Variants in GPR15 observed in about 807,000 individuals in gnomAD.
The protein encoded by GPR15 is brother of Bonzo.
GPR15 carries 16 observed loss-of-function variants against 19.3 expected under a neutral mutation model. The observed-to-expected ratio is 0.83, with a 90% CI of 0.56 to 1.26. The LOEUF (loss-of-function observed/expected upper bound fraction) is 1.26. GPR15 is among the 50% of genes most tolerant of loss of function. The probability of loss-of-function intolerance (pLI) is 0.00; values close to 1 mark genes in which losing one functional copy is unlikely to be tolerated. For missense variants in GPR15, 458 were observed against 429.4 expected (o/e 1.07, Z -0.59); for synonymous variants, 170 against 171.2 (o/e 0.99, Z 0.05).
rs1248974286 is a variant in GPR15, at chr3:98,532,022, T to A, written c.-12T>A. The A allele has an allele frequency of 6.3e-7, 1 of 1,586,368 alleles. No homozygotes were observed. On this transcript the variant is annotated 5_prime_UTR_variant, in exon 1 of 1. Transcript: ENST00000284311. ...AAGTAAACTCACCAGATTTGGCATC[T>A]GCTCTTTGGTGATGGACCCAGAAGA...
chr3:98,533,098 G>T lies in GPR15; in HGVS notation c.1065G>T (p.Lys355Asn). ...IHAEDFARRR[K>N]RSVSL ...CAGAAGATTTTGCCAGGAGGAGGAA[G>T]AGGTCTGTGTCACTCTAAAGGGAAC... The change falls in exon 1 of 1, where the codon AAG (lysine) becomes AAT (asparagine). Residue 355 changes from lysine (K) to asparagine (N), a missense_variant. By Grantham distance (94) the Lys-to-Asn change is moderately conservative. Transcript: ENST00000284311. 1 of 1,609,050 alleles carries T rather than the reference G, an allele frequency of 6.2e-7. No individual in the cohort carries two copies. The highest frequency in any genetic ancestry group is 8.5e-7 in the Non-Finnish European group (1 of 1,179,330).
At position 98,532,895 on chromosome 3, in the gene GPR15, G is replaced by A; in HGVS notation, c.862G>A (p.Gly288Arg). Residue 288 changes from glycine (G) to arginine (R), a missense_variant, in exon 1 of 1, where the codon GGA becomes AGA. Transcript: ENST00000284311. ...AILQLGMEVS[G>R]PLAFANSCVN... is the part of the protein sequence containing the mutation. ...TCTTCAGCTTGGTATGGAGGTGAGT[G>A]GACCCTTGGCATTTGCCAACAGCTG... 1 of 1,614,082 alleles carries A rather than the reference G, an allele frequency of 6.2e-7. No individual in the cohort carries two copies. The highest frequency in any genetic ancestry group is 8.5e-7 in the Non-Finnish European group (1 of 1,180,028).
chr3:98,533,231 G>A lies in GPR15; in HGVS notation c.*115G>A, dbSNP rs537072393. On this transcript the variant is annotated 3_prime_UTR_variant, in exon 1 of 1. Coordinates refer to ENST00000284311, the MANE Select transcript of GPR15 (RefSeq NM_005290.4). ...CATTGCTTCATAGATGCAAGGAAGA[G>A]TTCATTTTTAAAGAGAGGACTGAAA... The A allele has an allele frequency of 8.4e-7, 1 of 1,186,226 alleles. No homozygotes were observed. Among genetic ancestry groups the A allele is most frequent in the African/African-American group, 1.5e-5 (1 of 65,524 alleles). The allele number at this position is 1,186,226 out of a possible 1,614,324, so 73.5% of individuals were successfully genotyped here. A position where few individuals can be genotyped will look rare whatever the true frequency, so the allele number is the denominator to read the frequency against.
At position 98,533,781 on chromosome 3, in the gene GPR15, T is replaced by C. The variant is rs1313809162; in HGVS notation, c.*665T>C. Among the ~76,000 whole-genome samples, 2 of 152,222 alleles carry C rather than the reference T, an allele frequency of 1.3e-5. No homozygotes were observed. Among genetic ancestry groups the C allele is most frequent in the African/African-American group, 4.8e-5 (2 of 41,460 alleles). ...ATTTGGGACTTACTTTATCATATGG[T>C]CTTCTAGTATTTTAATACATAAGCA... On this transcript the variant is annotated 3_prime_UTR_variant, in exon 1 of 1. Transcript: ENST00000284311.
At position 98,534,021 on chromosome 3, in the gene GPR15, AACTCAT is replaced by A. The variant is rs1706677567; in HGVS notation, c.*907_*912del. On this transcript the variant is annotated 3_prime_UTR_variant, in exon 1 of 1. Transcript: ENST00000284311. Reference sequence around the variant, plus strand: ...AAAATGTTATTACTAATATAATTGGAACTCATAAAATGCTTAGCTGTACCCCGATGC... The same window carrying A: ...AAAATGTTATTACTAATATAATTGGAAAAATGCTTAGCTGTACCCCGATGC... 6.6e-6 allele frequency among the ~76,000 whole-genome samples: 1 copy of A among 152,168 alleles called. No individual in the cohort carries two copies. Among genetic ancestry groups the A allele is most frequent in the Non-Finnish European group, 1.5e-5 (1 of 68,018 alleles).
rs569609883 is a variant in GPR15 at position 98,532,247 on chromosome 3, A to G, written c.214A>G (p.Ile72Val). The G allele has an allele frequency of 9.9e-6, 16 of 1,614,100 alleles. No individual in the cohort carries two copies. The highest frequency in any genetic ancestry group is 1.2e-5 in the Non-Finnish European group (14 of 1,180,010). Reference protein sequence around the residue: ...PGSRRLIDIFIINLAASDFIF... With the variant: ...PGSRRLIDIFVINLAASDFIF... ...CAGCCGAAGACTGATCGACATCTTT[A>G]TCATCAATCTGGCTGCCTCTGACTT... Residue 72 changes from isoleucine (I) to valine (V), a missense_variant, in exon 1 of 1, where the codon ATC (isoleucine) becomes GTC (valine). By Grantham distance (29) the Ile-to-Val change is conservative. Coordinates refer to ENST00000284311, the MANE Select transcript of GPR15 (RefSeq NM_005290.4).
At position 98,533,156 on chromosome 3, in the gene GPR15, G is replaced by A. The variant is rs1000335404; in HGVS notation, c.*40G>A. 1.3e-6 allele frequency: 2 copies of A among 1,528,530 alleles called. No individual in the cohort carries two copies. Among genetic ancestry groups the A allele is most frequent in the Admixed American group, 2.1e-5 (1 of 47,748 alleles). The allele number at this position is 1,528,530 out of a possible 1,614,324, so 94.7% of individuals were successfully genotyped here. A position where few individuals can be genotyped will look rare whatever the true frequency, so the allele number is the denominator to read the frequency against. On this transcript the variant is annotated 3_prime_UTR_variant, in exon 1 of 1. Coordinates refer to ENST00000284311, the MANE Select transcript of GPR15 (RefSeq NM_005290.4). ...TTTCAAGCTCTGTTGGTGGGTTTAG[G>A]AGTTAATTTTTGTCAGCAACAAAGA...
Position 98,533,070 on chromosome 3 carries a change from A to G in GPR15, c.1037A>G (p.His346Arg). 1 of 1,612,974 alleles carries G rather than the reference A, an allele frequency of 6.2e-7. No homozygotes were observed. The highest frequency in any genetic ancestry group is 8.5e-7 in the Non-Finnish European group (1 of 1,179,808). ...ACTAAGGCTCTCTCCACCTTCATTC[A>G]TGCAGAAGATTTTGCCAGGAGGAGG... The part of the protein sequence containing the change: ...HLTKALSTFI[H>R]AEDFARRRKR... Residue 346 changes from histidine to arginine, a missense_variant, in exon 1 of 1, where the codon CAT (histidine) becomes CGT (arginine). By Grantham distance (29) the His-to-Arg change is conservative. Transcript: ENST00000284311.
rs1015036236 is a variant in GPR15 at position 98,533,743 on chromosome 3, T to A, written c.*627T>A. ...CAAAAAAAAACTCATGGGGATTTTGTATTGTGTTTATGATTTGGGACTTAC... is the reference window on the plus strand; with the variant it reads ...CAAAAAAAAACTCATGGGGATTTTGAATTGTGTTTATGATTTGGGACTTAC... On this transcript the variant is annotated 3_prime_UTR_variant, in exon 1 of 1. Coordinates refer to ENST00000284311, the MANE Select transcript of GPR15 (RefSeq NM_005290.4). 6.6e-6 allele frequency among the ~76,000 whole-genome samples: 1 copy of A among 152,246 alleles called. No individual in the cohort carries two copies. The highest frequency in any genetic ancestry group is 1.5e-5 in the Non-Finnish European group (1 of 68,044).
Position 98,534,064 on chromosome 3 carries a change from T to C in GPR15, c.*948T>C. On this transcript the variant is annotated 3_prime_UTR_variant, in exon 1 of 1. Transcript: ENST00000284311. ...CTGTACCCCGATGCAGATTATCATT[T>C]TGTATTTTAATTAAAATGTTAGTGC... is the stretch of plus-strand genomic sequence containing the variant. 6.6e-6 allele frequency among the ~76,000 whole-genome samples: 1 copy of C among 152,188 alleles called. No individual in the cohort carries two copies.
chr3:98,532,071 A>T lies in GPR15; in HGVS notation c.38A>T (p.Tyr13Phe). 1 of 1,613,814 alleles carries T rather than the reference A, an allele frequency of 6.2e-7. No homozygotes were observed. Among genetic ancestry groups the T allele is most frequent in the Middle Eastern group, 1.7e-4 (1 of 6,056 alleles). Residue 13 changes from tyrosine (Y) to phenylalanine (F), a missense_variant, in exon 1 of 1, where the codon TAC becomes TTC. Transcript: ENST00000284311. ...GAAACTTCAGTTTATTTGGATTATT[A>T]CTATGCTACGAGCCCAAACTCTGAC... ...PEETSVYLDY[Y>F]YATSPNSDIR...
rs758796440 is a variant in GPR15 at position 98,533,136 on chromosome 3, A to G, written c.*20A>G. On this transcript the variant is annotated 3_prime_UTR_variant, in exon 1 of 1. Transcript: ENST00000284311. Reference sequence around the variant, plus strand: ...CTCTAAAGGGAACTGTGACATTTCAAGCTCTGTTGGTGGGTTTAGGAGTTA... The same window carrying G: ...CTCTAAAGGGAACTGTGACATTTCAGGCTCTGTTGGTGGGTTTAGGAGTTA... 3.8e-6 allele frequency: 6 copies of G among 1,580,776 alleles called. No homozygotes were observed. The South Asian group carries it at 5.7e-5, about 15-fold the overall frequency.
In GPR15 at chr3:98,533,585, A is replaced by T. The variant is rs1433474475; in HGVS notation, c.*469A>T. 6.6e-6 allele frequency among the ~76,000 whole-genome samples: 1 copy of T among 152,234 alleles called. No individual in the cohort carries two copies. Among genetic ancestry groups the T allele is most frequent in the African/African-American group, 2.4e-5 (1 of 41,458 alleles). On this transcript the variant is annotated 3_prime_UTR_variant, in exon 1 of 1. Transcript: ENST00000284311. The stretch of plus-strand genomic sequence containing the variant: ...GGTAACAAAAATATAATATACCTGC[A>T]CTGTGCAATTAATTGTTTCTGAGTT...
In GPR15 at chr3:98,532,903, G is replaced by A. The variant is rs1706661169; in HGVS notation, c.870G>A (p.Leu290=). 1 of 1,614,078 alleles carries A rather than the reference G, an allele frequency of 6.2e-7. No homozygotes were observed. The highest frequency in any genetic ancestry group is 8.5e-7 in the Non-Finnish European group (1 of 1,180,020). ...LQLGMEVSGP[L]AFANSCVNPF... Reference sequence around the variant, plus strand: ...TTGGTATGGAGGTGAGTGGACCCTTGGCATTTGCCAACAGCTGTGTCAACC... The same window carrying A: ...TTGGTATGGAGGTGAGTGGACCCTTAGCATTTGCCAACAGCTGTGTCAACC... The change falls in exon 1 of 1, where the codon TTG becomes TTA. Residue 290 remains leucine (L), a synonymous_variant. Coordinates refer to ENST00000284311, the MANE Select transcript of GPR15 (RefSeq NM_005290.4).
Position 98,532,838 on chromosome 3 carries a change from T to G in GPR15, c.805T>G (p.Leu269Val). The change falls in exon 1 of 1, where the codon TTG (leucine) becomes GTG (valine). Residue 269 changes from leucine (L) to valine (V), a missense_variant. Transcript: ENST00000284311. ...TFKFLAIVSG[L>V]RQEHYLPSAI... Reference sequence around the variant, plus strand: ...CAAGTTCCTGGCCATTGTCTCTGGGTTGCGGCAAGAACACTATTTACCCTC... The same window carrying G: ...CAAGTTCCTGGCCATTGTCTCTGGGGTGCGGCAAGAACACTATTTACCCTC... The G allele has an allele frequency of 6.2e-7, 1 of 1,614,040 alleles. No homozygotes were observed. Among genetic ancestry groups the G allele is most frequent in the Non-Finnish European group, 8.5e-7 (1 of 1,179,912 alleles).
chr3:98,532,064 G>T lies in GPR15; in HGVS notation c.31G>T (p.Asp11Tyr), dbSNP rs369731261. The change falls in exon 1 of 1, where the codon GAT (aspartate) becomes TAT (tyrosine). Residue 11 changes from aspartate (D) to tyrosine (Y), a missense_variant. Physicochemically the swap from Asp to Tyr is radical, Grantham distance 160 (BLOSUM62 -3). Transcript: ENST00000284311. MDPEETSVYL[D>Y]YYYATSPNSD... ...CCCAGAAGAAACTTCAGTTTATTTG[G>T]ATTATTACTATGCTACGAGCCCAAA... The T allele has an allele frequency of 6.2e-7, 1 of 1,612,972 alleles. No homozygotes were observed. Among genetic ancestry groups the T allele is most frequent in the African/African-American group, 1.3e-5 (1 of 74,896 alleles).
In GPR15 at chr3:98,534,299, A is replaced by G. The variant is rs1450201723; in HGVS notation, c.*1183A>G. 6.6e-6 allele frequency among the ~76,000 whole-genome samples: 1 copy of G among 152,150 alleles called. No homozygotes were observed. The highest frequency in any genetic ancestry group is 1.5e-5 in the Non-Finnish European group (1 of 68,000). ...ATTTATTGAGTCAATTTGTACCTATATTCCTTTTGAAGACTTTGATGTGAA... is the reference window on the plus strand; with the variant it reads ...ATTTATTGAGTCAATTTGTACCTATGTTCCTTTTGAAGACTTTGATGTGAA... On this transcript the variant is annotated 3_prime_UTR_variant, in exon 1 of 1. Transcript: ENST00000284311.
At position 98,534,057 on chromosome 3, in the gene GPR15, T is replaced by C. The variant is rs1478776592; in HGVS notation, c.*941T>C. Among the ~76,000 whole-genome samples the C allele has an allele frequency of 6.6e-6, 1 of 152,190 alleles. No individual in the cohort carries two copies. Reference sequence around the variant, plus strand: ...TGCTTAGCTGTACCCCGATGCAGATTATCATTTTGTATTTTAATTAAAATG... The same window carrying C: ...TGCTTAGCTGTACCCCGATGCAGATCATCATTTTGTATTTTAATTAAAATG... On this transcript the variant is annotated 3_prime_UTR_variant, in exon 1 of 1. Coordinates refer to ENST00000284311, the MANE Select transcript of GPR15 (RefSeq NM_005290.4).
In GPR15 at chr3:98,532,421, G is replaced by T; in HGVS notation, c.388G>T (p.Asp130Tyr). 6.2e-7 allele frequency: 1 copy of T among 1,614,090 alleles called. No individual in the cohort carries two copies. The highest frequency in any genetic ancestry group is 1.1e-5 in the South Asian group (1 of 91,056). The change falls in exon 1 of 1, where the codon GAC becomes TAC. Residue 130 changes from aspartate to tyrosine, a missense_variant. Asp to Tyr is a radical substitution (Grantham distance 160, BLOSUM62 -3). Coordinates refer to ENST00000284311, the MANE Select transcript of GPR15 (RefSeq NM_005290.4). ...CCTCCTGCTCACTTGCATGAGTGTTGACCGCTACCTGGCCATTGTGTGGCC... is the reference window on the plus strand; with the variant it reads ...CCTCCTGCTCACTTGCATGAGTGTTTACCGCTACCTGGCCATTGTGTGGCC... ...SVLLLTCMSV[D>Y]RYLAIVWPVV...
Sources: gnomAD v4.1 joint callset for allele counts (sites outside exome capture counted in the v4.1 genomes callset) on GRCh38, gnomAD v4.1.1 for gene constraint, MANE v1.5 for transcripts, NCBI Gene and HGNC (gene_info 2026-07-23, HGNC 2026-07-21) for gene names.